The following SYT7 variants were observed in gnomAD, a reference collection of about 807,000 sequenced individuals.
SYT7 encodes synaptotagmin-7.
SYT7 carries 29 observed loss-of-function variants against 75.1 expected under a neutral mutation model. The observed-to-expected ratio is 0.39, with a 90% CI of 0.29 to 0.53. SYT7 has a LOEUF of 0.53. SYT7 is among the 20% of genes least tolerant of loss of function. The pLI is 0.77. For missense variants in SYT7, 693 were observed against 953.2 expected, an observed-to-expected ratio of 0.73 and a Z score of 3.59; for synonymous variants, 376 against 401.7, an observed-to-expected ratio of 0.94 and a Z score of 0.76.
rs908737849 is a variant in SYT7 at position 61,517,463 on chromosome 11, C to T, written c.*1164G>A. The T allele has an allele frequency of 4.8e-5, 19 of 398,458 alleles. No individual in the cohort carries two copies. The highest frequency in any genetic ancestry group is 7.5e-5 in the Non-Finnish European group (17 of 226,172). 24.7% of individuals were successfully genotyped at this position (398,458 alleles called of 1,614,324 possible). On this transcript the variant is annotated 3_prime_UTR_variant, in exon 13 of 13. Coordinates refer to ENST00000539008, the MANE Select transcript of SYT7 (RefSeq NM_001365809.2). ...GTCCTGGAGAAGGTCAGGTGATGGA[C>T]GATCAGAGACCACGCACGATGAGAC...
At chr11:61,528,773 C>G (rs1347135404) in intron 8 of SYT7, among the ~76,000 whole-genome samples, 1 of 152,156 alleles carries the variant, frequency 6.6e-6, no homozygotes, top group African/African-American at 2.4e-5. Context: ...TCACTAGGGA[C>G]AAGAAAATTG....
intron 12 of SYT7, among the ~76,000 whole-genome samples, chr11:61,521,248 G>A (rs1454476561): frequency 1.3e-5 from 2 of 152,226 alleles, no homozygotes; most frequent in Non-Finnish European, 2.9e-5. Flanking sequence ...CTTGGGCTCC[G>A]TAAGTTACCA....
intron 1 of SYT7, among the ~76,000 whole-genome samples, chr11:61,573,807 C>T (rs1038294993): frequency 1.3e-5 from 2 of 152,192 alleles, no homozygotes; most frequent in African/African-American, 4.8e-5. Flanking sequence ...CACCTCTGCT[C>T]GCTCACATGG....
chr11:61,521,376 A>T (rs1000514503), intron 12 of SYT7, among the ~76,000 whole-genome samples: 2 of 152,238 alleles, frequency 1.3e-5, no homozygotes, highest in East Asian at 3.8e-4. Flanking sequence ...GCGAAGCTTC[A>T]AAAGAACATC....
Position 61,580,809 on chromosome 11 carries a change from G to C in SYT7, c.12C>G (p.Asp4Glu). MYR[D>E]PEAASPGAPS... ...GCTTACCTGGGCTGGCCGCCTCCGG[G>C]TCCCGGTACATGGTCCCCTCGTCGC... Residue 4 changes from aspartate to glutamate, a missense_variant, in exon 1 of 13, where the codon GAC (aspartate) becomes GAG (glutamate). This residue lies in a region of SYT7 where 487 missense variants were observed against 593.2 expected (regional missense o/e 0.82). Coordinates refer to ENST00000539008, the MANE Select transcript of SYT7 (RefSeq NM_001365809.2). The surrounding 1 kb of genome is among the most constrained non-coding windows in gnomAD (Gnocchi z 6.1). 1.6e-6 allele frequency: 2 copies of C among 1,286,436 alleles called. No individual in the cohort carries two copies. Among genetic ancestry groups the C allele is most frequent in the Non-Finnish European group, 2.0e-6 (2 of 1,014,308 alleles). 79.7% of individuals were successfully genotyped at this position (1,286,436 alleles called of 1,614,324 possible). A position where few individuals can be genotyped will look rare whatever the true frequency, so the allele number is the denominator to read the frequency against.
intron 1 of SYT7, among the ~76,000 whole-genome samples, 161 bp from the exon 2 acceptor site, chr11:61,556,368 T>G (rs2063502092): frequency 6.6e-6 from 1 of 152,200 alleles, no homozygotes; most frequent in Non-Finnish European, 1.5e-5. Flanking sequence ...TGGATGAACT[T>G]GGGTAGTTTC....
In SYT7 at chr11:61,542,093, C is replaced by T. The variant is rs1041644186; in HGVS notation, c.941+118G>A. 2 of 1,361,880 alleles carry T rather than the reference C, an allele frequency of 1.5e-6. No individual in the cohort carries two copies. The highest frequency in any genetic ancestry group is 1.5e-5 in the African/African-American group (1 of 65,912). 84.4% of individuals were successfully genotyped at this position (1,361,880 alleles called of 1,614,324 possible). A position where few individuals can be genotyped will look rare whatever the true frequency, so the allele number is the denominator to read the frequency against. On this transcript the variant is annotated intron_variant, in intron 6 of 12. Coordinates refer to ENST00000539008, the MANE Select transcript of SYT7 (RefSeq NM_001365809.2). This position sits in a 1 kb window ranked among gnomAD's most constrained non-coding sequence, Gnocchi z 7.8. ...GGGGGCTGCCAAGTCTGCTTGGCAC[C>T]CTGCCAAGGGGATGGAGGGCCGGGA...
upstream of SYT7, among the ~76,000 whole-genome samples, chr11:61,583,717 C>T (rs775892289): frequency 5.9e-5 from 9 of 152,238 alleles, no homozygotes; most frequent in Non-Finnish European, 1.0e-4. Flanking sequence ...GGGCATTAGA[C>T]GGTCCTTGTT....
rs2063407078 is a variant in SYT7, at chr11:61,553,389, G to A, written c.136-1926C>T. ...CTCGCCCTTCTCTTCCTTCTTTCTG[G>A]CTTGGCAGGAGAGCTTGCCCTGGCC... On this transcript the variant is annotated intron_variant, in intron 2 of 12. Transcript: ENST00000539008. The surrounding 1 kb of genome is among the most constrained non-coding windows in gnomAD (Gnocchi z 5.2). Among the ~76,000 whole-genome samples the A allele has an allele frequency of 6.6e-6, 1 of 152,192 alleles. No homozygotes were observed.
chr11:61,579,536 G>T (rs1252313128), intron 1 of SYT7, among the ~76,000 whole-genome samples: 1 of 152,100 alleles, frequency 6.6e-6, no homozygotes, highest in African/African-American at 2.4e-5. Context: ...AGAATCGATG[G>T]GGGGTGGGAG....
At position 61,576,012 on chromosome 11, in the gene SYT7, C is replaced by T. The variant is rs368851136; in HGVS notation, c.31+4778G>A. On this transcript the variant is annotated intron_variant, in intron 1 of 12. Coordinates refer to ENST00000539008, the MANE Select transcript of SYT7 (RefSeq NM_001365809.2). The surrounding 1 kb of genome is among the most constrained non-coding windows in gnomAD (Gnocchi z 4.1). ...GTCCATTCTATCCCAAGGGGTCCTT[C>T]CAGGTGGAGGCTGCAGAGACTCCCC... Among the ~76,000 whole-genome samples the T allele has an allele frequency of 1.1e-4, 16 of 152,334 alleles. No homozygotes were observed. The East Asian group carries it at 2.7e-3, about 26-fold the overall frequency.
In SYT7 at chr11:61,580,762, C is replaced by A. The variant is rs1387226444; in HGVS notation, c.31+28G>T. ...CGCTGTCCTGCCCGCCGGTGCGGGG[C>A]GCCCCAGCCCGCCGGGGCCGCGCTT... On this transcript the variant is annotated intron_variant, in intron 1 of 12. Transcript: ENST00000539008. The surrounding 1 kb of genome is among the most constrained non-coding windows in gnomAD (Gnocchi z 6.1). 2 of 1,234,120 alleles carry A rather than the reference C, an allele frequency of 1.6e-6. No homozygotes were observed. Among genetic ancestry groups the A allele is most frequent in the Non-Finnish European group, 1.0e-6 (1 of 986,352 alleles). 76.4% of individuals were successfully genotyped at this position (1,234,120 alleles called of 1,614,324 possible). A position where few individuals can be genotyped will look rare whatever the true frequency, so the allele number is the denominator to read the frequency against.
rs530925945 is a variant in SYT7, at chr11:61,546,927, G to A, written c.347+250C>T. On this transcript the variant is annotated intron_variant, in intron 4 of 12. Transcript: ENST00000539008. The surrounding 1 kb of genome is among the most constrained non-coding windows in gnomAD (Gnocchi z 7.6). ...GCTGGGGGGGCCAGGTATGGCTGCC[G>A]AGGGGGCTCTCCTGCAAGGCTGGCC... 2.4e-4 allele frequency among the ~76,000 whole-genome samples: 36 copies of A among 152,206 alleles called. No individual in the cohort carries two copies. The East Asian group carries it at 4.9e-3, about 21-fold the overall frequency.
chr11:61,535,076 C>G (rs928181416), intron 7 of SYT7, among the ~76,000 whole-genome samples: 1 of 152,144 alleles, frequency 6.6e-6, no homozygotes, highest in Non-Finnish European at 1.5e-5. Flanking sequence ...CTGAAGCTGT[C>G]GGAGGTCACA....
chr11:61,581,934 A>G (rs1015223439), upstream of SYT7, among the ~76,000 whole-genome samples: 3 of 152,074 alleles, frequency 2.0e-5, no homozygotes, highest in African/African-American at 7.2e-5. Flanking sequence ...GTGAACACTC[A>G]TTTCTCTACA....
intron 8 of SYT7, among the ~76,000 whole-genome samples, chr11:61,532,042 G>C (rs1244901314): frequency 6.6e-6 from 1 of 152,164 alleles, no homozygotes; most frequent in Admixed American, 6.5e-5. Flanking sequence ...GGGGATGGAT[G>C]GTTAGAGCTG....
At chr11:61,543,972 A>G (rs1334698264) in intron 5 of SYT7, among the ~76,000 whole-genome samples, 1 of 152,192 alleles carries the variant, frequency 6.6e-6, no homozygotes, top group Non-Finnish European at 1.5e-5. Flanking sequence ...GGGGTTGGGA[A>G]GCCATTGCCT....
chr11:61,556,729 T>C (rs1028115864), intron 1 of SYT7, among the ~76,000 whole-genome samples: 4 of 152,260 alleles, frequency 2.6e-5, no homozygotes, highest in Non-Finnish European at 5.9e-5. Flanking sequence ...CTCATGGCAC[T>C]AGCCGGTCGT....
intron 1 of SYT7, among the ~76,000 whole-genome samples, chr11:61,579,742 G>T (rs748942468): frequency 2.0e-5 from 3 of 152,260 alleles, no homozygotes; most frequent in Non-Finnish European, 4.4e-5. Context: ...AGGCTGGCAG[G>T]AGGGAGCCTG....
Sources: allele counts gnomAD v4.1 joint callset (sites outside exome capture counted in the v4.1 genomes callset), GRCh38; gene constraint gnomAD v4.1.1; regional missense constraint gnomAD v4.1.1; non-coding constraint Gnocchi (gnomAD v3.1); transcripts MANE v1.5; gene names NCBI Gene and HGNC (gene_info 2026-07-23, HGNC 2026-07-21).